ARMC10: variants seen among roughly 807,000 people sequenced by gnomAD.
ARMC10 encodes armadillo repeat containing 10, also known as armadillo repeat-containing protein 10.
A neutral mutation model predicts 30.2 loss-of-function variants in ARMC10; 23 were observed. The observed-to-expected ratio is 0.76, with a 90% CI of 0.55 to 1.08. The LOEUF (loss-of-function observed/expected upper bound fraction) is 1.08. ARMC10 is among the 50% of genes least tolerant of loss of function. The probability of loss-of-function intolerance (pLI) is 0.00; values close to 1 mark genes in which losing one functional copy is unlikely to be tolerated. For missense variants in ARMC10, 303 were observed against 413.7 expected, an observed-to-expected ratio of 0.73 and a Z score of 2.32; for synonymous variants, 111 against 164.4, an observed-to-expected ratio of 0.68 and a Z score of 2.48.
Position 103,075,210 on chromosome 7 carries a change from C to A in ARMC10, c.-63C>A. ...CTAGGCCCGCGTGCGCTGGAGACCT[C>A]CGCGCTGGCCCCCGCGAGCCTCCTG... On this transcript the variant is annotated 5_prime_UTR_variant, in exon 1 of 7. Transcript: ENST00000323716. 9.0e-7 allele frequency: 1 copy of A among 1,115,750 alleles called. No individual in the cohort carries two copies. Among genetic ancestry groups the A allele is most frequent in the Non-Finnish European group, 1.1e-6 (1 of 912,250 alleles). 69.1% of individuals were successfully genotyped at this position (1,115,750 alleles called of 1,614,324 possible).
At chr7:103,095,672 T>C (rs1219416658) in intron 5 of ARMC10, 1 of 152,146 alleles carries the variant, frequency 6.6e-6, no homozygotes, top group African/African-American at 2.4e-5. Context: ...TTTAAAAGAC[T>C]TGGAACCAAC....
intron 5 of ARMC10, among the ~76,000 whole-genome samples, chr7:103,093,105 G>A (rs190369480): frequency 4.7e-4 from 72 of 152,188 alleles, no homozygotes; most frequent in Non-Finnish European, 7.2e-4. Flanking sequence ...GTTGATATAA[G>A]AGGCAACAGA....
At chr7:103,085,615 TTTTTTTTTTTTC>T (rs1800775047) in intron 3 of ARMC10, among the ~76,000 whole-genome samples, 1 of 151,566 alleles carries the variant, frequency 6.6e-6, no homozygotes, top group African/African-American at 2.4e-5. Context: ...TCTTTTTTTT[TTTTTTTTTTTTC>T]TTTTTTTTGT....
intron 2 of ARMC10, among the ~76,000 whole-genome samples, chr7:103,077,081 GATGAGTTTTC>G (rs1481961251): frequency 6.6e-6 from 1 of 152,086 alleles, no homozygotes; most frequent in East Asian, 1.9e-4. Flanking sequence ...TTTTTTAGGA[GATGAGTTTTC>G]ACCATGTTGC....
rs1801989304 is a variant in ARMC10, at chr7:103,098,668, A to G, written c.*115A>G. 1.4e-6 allele frequency: 2 copies of G among 1,473,666 alleles called. No homozygotes were observed. The highest frequency in any genetic ancestry group is 2.8e-5 in the African/African-American group (2 of 70,982). 91.3% of individuals were successfully genotyped at this position (1,473,666 alleles called of 1,614,324 possible). ...TAAACAGTAAATATCACATTTTGTC[A>G]TTAACACAGCTATAACTTGCCGTGG... On this transcript the variant is annotated 3_prime_UTR_variant, in exon 7 of 7. Transcript: ENST00000323716.
chr7:103,078,012 T>C (rs925286033), intron 2 of ARMC10, among the ~76,000 whole-genome samples: 3 of 152,322 alleles, frequency 2.0e-5, no homozygotes, highest in Non-Finnish European at 4.4e-5. Context: ...TTCTTTTTTT[T>C]TGAGACGGAG....
At chr7:103,087,875 T>C (rs1390682010) in intron 4 of ARMC10, 7 of 713,408 alleles carry the variant, frequency 9.8e-6, no homozygotes, top group Non-Finnish European at 1.2e-5. Flanking sequence ...CAGATTACTA[T>C]GCTATGAAGC....
intron 5 of ARMC10, among the ~76,000 whole-genome samples, chr7:103,095,503 T>G (rs879623560): frequency 7.2e-5 from 11 of 152,240 alleles, no homozygotes; most frequent in Non-Finnish European, 1.2e-4. Flanking sequence ...AAACATCTGT[T>G]GCCTTTGTAA....
In ARMC10 at chr7:103,075,467, G is replaced by C. The variant is rs1002509516; in HGVS notation, c.139+56G>C. On this transcript the variant is annotated intron_variant, in intron 1 of 6. Coordinates refer to ENST00000323716, the MANE Select transcript of ARMC10 (RefSeq NM_031905.5). ...GGGGACTGGGCAGGGGGGCTCCCCA[G>C]GCCGGGGTGGTGGCTTGCGTGTGCT... 28 of 1,269,204 alleles carry C rather than the reference G, an allele frequency of 2.2e-5. No individual in the cohort carries two copies. In the African/African-American group the frequency reaches 3.6e-4, roughly 16 times the overall value. 78.6% of individuals were successfully genotyped at this position (1,269,204 alleles called of 1,614,324 possible). A position where few individuals can be genotyped will look rare whatever the true frequency, so the allele number is the denominator to read the frequency against.
rs557891369 is a variant in ARMC10 at position 103,081,358 on chromosome 7, A to G, written c.245-2324A>G. ...CTATTTATAAAGAATTTATACATCT[A>G]TAAGCTTTCTCTTTTTTAAAAACAA... On this transcript the variant is annotated intron_variant, in intron 2 of 6. Coordinates refer to ENST00000323716, the MANE Select transcript of ARMC10 (RefSeq NM_031905.5). Among the ~76,000 whole-genome samples the G allele has an allele frequency of 1.3e-3, 197 of 152,368 alleles. 1 individual carries two copies. Among genetic ancestry groups the G allele is most frequent in the African/African-American group, 4.4e-3 (183 of 41,586 alleles).
chr7:103,091,339 AAAAG>A (rs1801306186), intron 4 of ARMC10, among the ~76,000 whole-genome samples: 1 of 152,172 alleles, frequency 6.6e-6, no homozygotes, highest in Non-Finnish European at 1.5e-5. Context: ...CCCCCGGAAA[AAAAG>A]AAAGCTCATG....
At position 103,075,882 on chromosome 7, in the gene ARMC10, G is replaced by C. The variant is rs771688358; in HGVS notation, c.244+1G>C. On this transcript the variant is annotated splice_donor_variant, in intron 2 of 6. Transcript: ENST00000323716. LOFTEE classifies it high-confidence loss of function. ...CAGTGGTCCAAGACCTCGCAGCCTGGTGTGTGTTTTGGAAATGGGAACAGT... is the reference window on the plus strand; with the variant it reads ...CAGTGGTCCAAGACCTCGCAGCCTGCTGTGTGTTTTGGAAATGGGAACAGT... 2 of 1,591,078 alleles carry C rather than the reference G, an allele frequency of 1.3e-6. No individual in the cohort carries two copies. Among genetic ancestry groups the C allele is most frequent in the Non-Finnish European group, 1.7e-6 (2 of 1,167,664 alleles).
rs545772706 is a variant in ARMC10, at chr7:103,081,343, A to G, written c.245-2339A>G. 2.0e-5 allele frequency among the ~76,000 whole-genome samples: 3 copies of G among 152,368 alleles called. No individual in the cohort carries two copies. The South Asian group carries it at 6.2e-4, about 32-fold the overall frequency. On this transcript the variant is annotated intron_variant, in intron 2 of 6. Transcript: ENST00000323716. ...AAAAATTTTAAATGGCTATTTATAAAGAATTTATACATCTATAAGCTTTCT... is the reference window on the plus strand; with the variant it reads ...AAAAATTTTAAATGGCTATTTATAAGGAATTTATACATCTATAAGCTTTCT...
intron 4 of ARMC10, among the ~76,000 whole-genome samples, chr7:103,090,778 A>G (rs1308338455): frequency 6.6e-6 from 1 of 151,670 alleles, no homozygotes; most frequent in Non-Finnish European, 1.5e-5. Flanking sequence ...TGCATCTGTA[A>G]TCCCAGCTAC....
At chr7:103,098,265 A>C in intron 6 of ARMC10, 34 bp from the exon 7 acceptor site, 1 of 1,285,938 alleles carries the variant, frequency 7.8e-7, no homozygotes, top group Non-Finnish European at 1.0e-6. Flanking sequence ...ATATATTATT[A>C]ATATAAAATA....
At chr7:103,086,830 T>G in intron 4 of ARMC10, 66 bp downstream of exon 4, 1 of 1,565,706 alleles carries the variant, frequency 6.4e-7, no homozygotes, top group African/African-American at 1.4e-5. Context: ...AAAAGATGAG[T>G]AATGAAACTT....
At chr7:103,095,603 C>T (rs1324037442) in intron 5 of ARMC10, 1 of 152,180 alleles carries the variant, frequency 6.6e-6, no homozygotes, top group African/African-American at 2.4e-5. Context: ...GTACCCCCCT[C>T]TATGCTTATT....
intron 2 of ARMC10, among the ~76,000 whole-genome samples, chr7:103,078,982 C>T (rs1209009176): frequency 1.3e-5 from 2 of 152,018 alleles, no homozygotes; most frequent in Non-Finnish European, 2.9e-5. Flanking sequence ...GCTCTCCAGC[C>T]TGGACAAAAG....
chr7:103,075,890 T>G lies in ARMC10; in HGVS notation c.244+9T>G, dbSNP rs1799732692. 17 of 1,577,850 alleles carry G rather than the reference T, an allele frequency of 1.1e-5. No homozygotes were observed. Among genetic ancestry groups the G allele is most frequent in the Non-Finnish European group, 1.5e-5 (17 of 1,160,000 alleles). On this transcript the variant is annotated intron_variant, in intron 2 of 6. Transcript: ENST00000323716. ...CAAGACCTCGCAGCCTGGTGTGTGTTTTGGAAATGGGAACAGTTGTCTGCG... is the reference window on the plus strand; with the variant it reads ...CAAGACCTCGCAGCCTGGTGTGTGTGTTGGAAATGGGAACAGTTGTCTGCG...
Sources: gnomAD v4.1 joint callset for allele counts (sites outside exome capture counted in the v4.1 genomes callset) on GRCh38, gnomAD v4.1.1 for gene constraint, MANE v1.5 for transcripts, NCBI Gene and HGNC (gene_info 2026-07-23, HGNC 2026-07-21) for gene names.